LRRTM4: variants seen among roughly 807,000 people sequenced by gnomAD.
The protein encoded by LRRTM4 is leucine rich repeat transmembrane neuronal 4.
Under a neutral mutation model 47.6 loss-of-function variants are expected in LRRTM4, and 25 were observed. That is an observed-to-expected ratio of 0.53 (90% CI 0.38 to 0.73). The LOEUF (loss-of-function observed/expected upper bound fraction) is 0.73, where lower values mean the gene tolerates loss of function less well. LRRTM4 is among the 30% of genes least tolerant of loss of function. The pLI, the probability that LRRTM4 is intolerant of heterozygous loss-of-function variation, is 0.00. For missense variants in LRRTM4, 638 were observed against 713.4 expected (o/e 0.89, Z 1.20); for synonymous variants, 311 against 269.5 (o/e 1.15, Z -1.51).
rs1553389713 is a variant in LRRTM4 at position 77,103,667 on chromosome 2, A to ATATC, written c.1552-354752_1552-354751insGATA. ...TGAGTGTATATATATATATATAGAT[A>ATATC]TATATATCACATATATGTATATATA... On this transcript the variant is annotated intron_variant, in intron 3 of 3. Coordinates refer to ENST00000409884, the MANE Select transcript of LRRTM4 (RefSeq NM_001134745.3). Among the ~76,000 whole-genome samples the ATATC allele has an allele frequency of 2.3e-3, 338 of 146,280 alleles. 3 individuals carry two copies. Among genetic ancestry groups the ATATC allele is most frequent in the African/African-American group, 8.0e-3 (313 of 39,080 alleles).
At chr2:76,955,505 G>A (rs1675642140) in intron 3 of LRRTM4, among the ~76,000 whole-genome samples, 1 of 151,664 alleles carries the variant, frequency 6.6e-6, no homozygotes, top group Non-Finnish European at 1.5e-5. Context: ...TCACTACTAA[G>A]AATTCAATAA....
intron 3 of LRRTM4, among the ~76,000 whole-genome samples, chr2:77,379,175 A>C (rs1672953316): frequency 6.6e-6 from 1 of 151,908 alleles, no homozygotes; most frequent in African/African-American, 2.4e-5. Flanking sequence ...TTTAGTTACT[A>C]TTTGGGGGAT....
chr2:77,098,988 G>A (rs1558579403), intron 3 of LRRTM4, among the ~76,000 whole-genome samples: 1 of 151,880 alleles, frequency 6.6e-6, no homozygotes, highest in Non-Finnish European at 1.5e-5. Context: ...AAATAATGGG[G>A]AGTAAGTGGA....
At chr2:76,904,753 A>T (rs1249752440) in intron 3 of LRRTM4, among the ~76,000 whole-genome samples, 2 of 152,220 alleles carry the variant, frequency 1.3e-5, no homozygotes, top group African/African-American at 4.8e-5. Context: ...CCAGAGCAAC[A>T]TCAAATGTAA....
chr2:76,966,530 G>T (rs1222008418), intron 3 of LRRTM4, among the ~76,000 whole-genome samples: 1 of 151,214 alleles, frequency 6.6e-6, no homozygotes, highest in Admixed American at 6.6e-5. Context: ...AAATAACTAC[G>T]CAAGCAAACA....
At chr2:77,204,291 T>C (rs570287775) in intron 3 of LRRTM4, among the ~76,000 whole-genome samples, 3 of 152,216 alleles carry the variant, frequency 2.0e-5, no homozygotes, top group African/African-American at 7.2e-5. Flanking sequence ...CTAAGGTTGT[T>C]ATGAAAATTT....
chr2:77,227,455 CAA>C (rs1674846546), intron 3 of LRRTM4, among the ~76,000 whole-genome samples: 1 of 151,746 alleles, frequency 6.6e-6, no homozygotes, highest in South Asian at 2.1e-4. Context: ...CATGAGGAAA[CAA>C]AAGAGCAAGA....
At chr2:77,451,489 T>G (rs1676252200) in intron 3 of LRRTM4, among the ~76,000 whole-genome samples, 1 of 152,182 alleles carries the variant, frequency 6.6e-6, no homozygotes, top group Admixed American at 6.5e-5. Flanking sequence ...TACACTTCTG[T>G]CTCATTTTGG....
At chr2:76,817,670 T>C (rs1322022103) in intron 3 of LRRTM4, among the ~76,000 whole-genome samples, 1 of 151,970 alleles carries the variant, frequency 6.6e-6, no homozygotes, top group Non-Finnish European at 1.5e-5. Context: ...TATGCCCATA[T>C]ATGACTACTC....
intron 3 of LRRTM4, among the ~76,000 whole-genome samples, chr2:77,113,855 C>T (rs1423033308): frequency 6.6e-6 from 1 of 152,038 alleles, no homozygotes. Flanking sequence ...ACTCCAGAGG[C>T]AAATGCTGCA....
At chr2:77,319,786 A>G (rs1179625048) in intron 3 of LRRTM4, among the ~76,000 whole-genome samples, 1 of 152,202 alleles carries the variant, frequency 6.6e-6, no homozygotes, top group Non-Finnish European at 1.5e-5. Context: ...TGGATTTGAC[A>G]TCCACTGAAA....
At chr2:76,759,372 G>C (rs1209781188) in intron 3 of LRRTM4, among the ~76,000 whole-genome samples, 1 of 152,096 alleles carries the variant, frequency 6.6e-6, no homozygotes, top group East Asian at 1.9e-4. Context: ...CTTGGTACTT[G>C]GAAGTCAGAC....
At chr2:77,503,236 C>G (rs1181007688) in intron 3 of LRRTM4, among the ~76,000 whole-genome samples, 2 of 151,392 alleles carry the variant, frequency 1.3e-5, no homozygotes, top group African/African-American at 2.4e-5. Flanking sequence ...CAAAAATTGT[C>G]ACTAGTAAAG....
chr2:77,344,867 C>T lies in LRRTM4; in HGVS notation c.1551+173451G>A, dbSNP rs535011087. Among the ~76,000 whole-genome samples, 24 of 151,670 alleles carry T rather than the reference C, an allele frequency of 1.6e-4. No individual in the cohort carries two copies. In the South Asian group the frequency reaches 5.0e-3, roughly 32 times the overall value. On this transcript the variant is annotated intron_variant, in intron 3 of 3. Coordinates refer to ENST00000409884, the MANE Select transcript of LRRTM4 (RefSeq NM_001134745.3). ...AAGACTAGGATACAATCCTTAATGT[C>T]TCGATGAACATACCTGGGGGTAAAT...
chr2:76,787,790 T>G (rs1674758966), intron 3 of LRRTM4, among the ~76,000 whole-genome samples: 2 of 152,198 alleles, frequency 1.3e-5, no homozygotes, highest in Admixed American at 1.3e-4. Context: ...GAGGTTCACT[T>G]GATTTTCTTT....
intron 3 of LRRTM4, among the ~76,000 whole-genome samples, chr2:77,061,045 A>G (rs1267244429): frequency 6.6e-6 from 1 of 152,070 alleles, no homozygotes; most frequent in Non-Finnish European, 1.5e-5. Context: ...AAAAATATCA[A>G]TTCCAGTCCT....
At chr2:76,775,036 C>T (rs1351607614) in intron 3 of LRRTM4, among the ~76,000 whole-genome samples, 1 of 152,110 alleles carries the variant, frequency 6.6e-6, no homozygotes, top group Non-Finnish European at 1.5e-5. Flanking sequence ...TCTTAGCTCT[C>T]GAATTTCTCC....
intron 3 of LRRTM4, among the ~76,000 whole-genome samples, chr2:77,200,832 G>A (rs1188640891): frequency 6.6e-6 from 1 of 152,066 alleles, no homozygotes; most frequent in Non-Finnish European, 1.5e-5. Context: ...AACCAGTAAA[G>A]GAGAGCTGCA....
At chr2:77,157,803 G>C (rs1052925220) in intron 3 of LRRTM4, among the ~76,000 whole-genome samples, 3 of 152,230 alleles carry the variant, frequency 2.0e-5, no homozygotes. Context: ...GACTCTAGAT[G>C]CAATGGGCTA....
Sources: gnomAD v4.1 joint callset for allele counts (sites outside exome capture counted in the v4.1 genomes callset) on GRCh38, gnomAD v4.1.1 for gene constraint, MANE v1.5 for transcripts, NCBI Gene and HGNC (gene_info 2026-07-23, HGNC 2026-07-21) for gene names.